The following VAMP4 variants were observed in gnomAD, a reference collection of about 807,000 sequenced individuals.
VAMP4 encodes the protein vesicle-associated membrane protein 4.
Under a neutral mutation model 23.5 loss-of-function variants are expected in VAMP4, and 19 were observed. The ratio of observed to expected loss-of-function variants is 0.81; its 90% CI spans 0.56 to 1.19. The LOEUF is 1.19. Ranked by LOEUF, VAMP4 falls within the 50% of genes most tolerant of loss-of-function variation. VAMP4 has a pLI of 0.00. For synonymous variants in VAMP4, 31 were observed against 51.0 expected, an observed-to-expected ratio of 0.61 and a Z score of 1.67; for missense variants, 145 against 168.6, an observed-to-expected ratio of 0.86 and a Z score of 0.78.
chr1:171,713,229 A>G (rs1029732721), intron 4 of VAMP4, among the ~76,000 whole-genome samples: 1 of 152,134 alleles, frequency 6.6e-6, no homozygotes, highest in Non-Finnish European at 1.5e-5. Flanking sequence ...CCCTCCATTT[A>G]ACTACAAACA....
At chr1:171,706,995 T>C (rs1654678196) in intron 6 of VAMP4, among the ~76,000 whole-genome samples, 1 of 152,210 alleles carries the variant, frequency 6.6e-6, no homozygotes, top group South Asian at 2.1e-4. Context: ...CTTAAGAAGA[T>C]TTGAATGAAA....
intron 2 of VAMP4, among the ~76,000 whole-genome samples, chr1:171,734,195 G>C (rs1655655564): frequency 6.7e-6 from 1 of 149,714 alleles, no homozygotes; most frequent in South Asian, 2.1e-4. Context: ...TTGAACCCAG[G>C]AGGTGGAGGT....
intron 2 of VAMP4, among the ~76,000 whole-genome samples, chr1:171,732,765 G>A (rs1412748055): frequency 6.6e-6 from 1 of 152,002 alleles, no homozygotes; most frequent in Non-Finnish European, 1.5e-5. Flanking sequence ...AGATGGGTAA[G>A]TTATTCCTAA....
At chr1:171,719,077 G>A in intron 4 of VAMP4, 94 bp downstream of exon 4, 1 of 1,061,500 alleles carries the variant, frequency 9.4e-7, no homozygotes, top group Non-Finnish European at 1.4e-6. Flanking sequence ...TACAAAAACA[G>A]GCTGCAGCCA....
At chr1:171,729,582 A>G (rs1219818587) in intron 2 of VAMP4, among the ~76,000 whole-genome samples, 1 of 152,198 alleles carries the variant, frequency 6.6e-6, no homozygotes, top group Non-Finnish European at 1.5e-5. Context: ...CAGATTAGGG[A>G]TGCTCAAACT....
At chr1:171,734,223 G>A (rs756858242) in intron 2 of VAMP4, among the ~76,000 whole-genome samples, 7 of 137,114 alleles carry the variant, frequency 5.1e-5, no homozygotes, top group Admixed American at 8.0e-5. Flanking sequence ...AGCCGAGATC[G>A]CACCATTGGA....
chr1:171,726,812 T>C (rs1655383810), intron 3 of VAMP4, among the ~76,000 whole-genome samples: 1 of 152,108 alleles, frequency 6.6e-6, no homozygotes, highest in Non-Finnish European at 1.5e-5. Context: ...TTCAATAAAC[T>C]GATGCCATCA....
At chr1:171,716,543 AAG>A (rs68002640) in intron 4 of VAMP4, among the ~76,000 whole-genome samples, 26,100 of 152,092 alleles carry the variant, frequency 0.17, 2,296 homozygotes, top group Middle Eastern at 0.24. Flanking sequence ...TGTCCTCAAA[AAG>A]AGTCTTTCCT....
At chr1:171,734,150 C>T (rs527398288) in intron 2 of VAMP4, among the ~76,000 whole-genome samples, 143 of 151,848 alleles carry the variant, frequency 9.4e-4, no homozygotes, top group African/African-American at 3.3e-3. Flanking sequence ...CGCCTGTAAT[C>T]CCAGCTACTT....
chr1:171,709,594 T>C (rs2124840075), intron 6 of VAMP4, 71 bp downstream of exon 6: 3 of 1,469,050 alleles, frequency 2.0e-6, no homozygotes, highest in East Asian at 2.3e-5. Context: ...CTAGAGGCCC[T>C]TTTTTCTTCA....
chr1:171,734,425 G>A (rs1241346975), intron 2 of VAMP4, among the ~76,000 whole-genome samples: 1 of 152,126 alleles, frequency 6.6e-6, no homozygotes, highest in East Asian at 1.9e-4. Context: ...CTATAGGAGT[G>A]CAGTTGCTTA....
chr1:171,729,180 G>C (rs1277685969), intron 2 of VAMP4, among the ~76,000 whole-genome samples: 2 of 152,128 alleles, frequency 1.3e-5, no homozygotes, highest in Non-Finnish European at 2.9e-5. Context: ...AGTCCAAAAG[G>C]TGACTAAAGA....
At position 171,725,751 on chromosome 1, in the gene VAMP4, C is replaced by T. The variant is rs187905195; in HGVS notation, c.113+2773G>A. 3.9e-3 allele frequency among the ~76,000 whole-genome samples: 597 copies of T among 151,642 alleles called. 7 individuals carry two copies. The highest frequency in any genetic ancestry group is 0.013 in the African/African-American group (557 of 41,314). ...TGTCGCCCAGGCTAGAATGCAGTGG[C>T]GTGATCTTGGCTCACTGCAACCTCC... On this transcript the variant is annotated intron_variant, in intron 3 of 7. Transcript: ENST00000236192.
At chr1:171,721,449 A>C (rs1382041164) in intron 3 of VAMP4, among the ~76,000 whole-genome samples, 2 of 152,198 alleles carry the variant, frequency 1.3e-5, no homozygotes, top group Admixed American at 1.3e-4. Flanking sequence ...TGGGTTTGGC[A>C]AGATTGTAGA....
intron 1 of VAMP4, among the ~76,000 whole-genome samples, chr1:171,738,974 G>A (rs953720257): frequency 6.6e-6 from 1 of 152,238 alleles, no homozygotes; most frequent in African/African-American, 2.4e-5. Context: ...GGTACTCCAT[G>A]AAAAGGGGTA....
At chr1:171,717,918 G>A (rs1655070478) in intron 4 of VAMP4, among the ~76,000 whole-genome samples, 1 of 152,128 alleles carries the variant, frequency 6.6e-6, no homozygotes, top group Non-Finnish European at 1.5e-5. Context: ...TGGCCTCAAA[G>A]AAGCACCATG....
At chr1:171,706,481 G>T in intron 6 of VAMP4, 63 bp from the exon 7 acceptor site, 1 of 1,490,930 alleles carries the variant, frequency 6.7e-7, no homozygotes, top group Non-Finnish European at 9.2e-7. Context: ...AAGACTATTT[G>T]TTGTTCTATT....
rs928439591 is a variant in VAMP4 at position 171,701,803 on chromosome 1, G to C, written c.*2703C>G. 2 of 152,110 alleles carry C rather than the reference G, an allele frequency of 1.3e-5. No individual in the cohort carries two copies. The highest frequency in any genetic ancestry group is 1.3e-4 in the Admixed American group (2 of 15,264). The allele number at this position is 152,110 out of a possible 1,614,324, so 9.4% of individuals were successfully genotyped here. On this transcript the variant is annotated 3_prime_UTR_variant, in exon 8 of 8. Transcript: ENST00000236192. ...ATTTCCAGTGAACTTTGTCAGGATA[G>C]AGGAACCAAATGACCACAGGTATTA...
intron 1 of VAMP4, among the ~76,000 whole-genome samples, chr1:171,741,309 T>C (rs1655916973): frequency 6.6e-6 from 1 of 152,180 alleles, no homozygotes; most frequent in East Asian, 1.9e-4. Flanking sequence ...GTCTTCCTTG[T>C]CTGTCATCAG....
Sources: allele counts gnomAD v4.1 joint callset (sites outside exome capture counted in the v4.1 genomes callset), GRCh38; gene constraint gnomAD v4.1.1; transcripts MANE v1.5; gene names NCBI Gene and HGNC (gene_info 2026-07-23, HGNC 2026-07-21).